Variants in ARHGEF9 observed in about 807,000 individuals in gnomAD.
ARHGEF9 encodes the protein Cdc42 guanine nucleotide exchange factor 9, also known as rho guanine nucleotide exchange factor 9.
In ARHGEF9, 2 loss-of-function variants were observed where a neutral mutation model predicts 41.3. That is an observed-to-expected ratio of 0.05 (90% confidence interval 0.02 to 0.15). The LOEUF is 0.15. ARHGEF9 is among the 10% of genes least tolerant of loss of function. ARHGEF9 has a pLI of 1.00. For missense variants in ARHGEF9, 225 were observed against 424.7 expected (o/e 0.53, Z 4.13); for synonymous variants, 160 against 154.4 (o/e 1.04, Z -0.27).
At chrX:63,742,653 G>A (rs2055031185) in intron 1 of ARHGEF9, among the ~76,000 whole-genome samples, 1 of 111,709 alleles carries the variant, frequency 9.0e-6, no homozygotes, top group Non-Finnish European at 1.9e-5. Context: ...ACTGGTAATG[G>A]TAAAGAGCCT....
chrX:63,694,914 T>C (rs1488476516), intron 4 of ARHGEF9, among the ~76,000 whole-genome samples: 1 of 112,180 alleles, frequency 8.9e-6, no homozygotes, highest in African/African-American at 3.2e-5. Flanking sequence ...AATAAAAGGG[T>C]AAACAATTAA....
chrX:63,695,039 G>T lies in ARHGEF9; in HGVS notation c.582+2086C>A, dbSNP rs782232530. Reference sequence around the variant, plus strand: ...GAAAATCATTCAATCCAAATTCACTGCATTAACAGATTAAAGGTAAAAGTA... The same window carrying T: ...GAAAATCATTCAATCCAAATTCACTTCATTAACAGATTAAAGGTAAAAGTA... On this transcript the variant is annotated intron_variant, in intron 4 of 9. Coordinates refer to ENST00000671741, the MANE Select transcript of ARHGEF9 (RefSeq NM_001353921.2). 2.7e-5 allele frequency among the ~76,000 whole-genome samples: 3 copies of T among 112,316 alleles called. No homozygotes were observed. In the South Asian group the frequency reaches 1.1e-3, roughly 41 times the overall value.
chrX:63,757,001 A>G (rs782139924), intron 1 of ARHGEF9, among the ~76,000 whole-genome samples: 1 of 111,896 alleles, frequency 8.9e-6, no homozygotes, highest in South Asian at 3.8e-4. Flanking sequence ...CTTTTCTCCC[A>G]TTTGACTCCA....
intron 2 of ARHGEF9, chrX:63,709,033 C>A (rs1354221816): frequency 8.9e-6 from 1 of 112,234 alleles, no homozygotes; most frequent in African/African-American, 3.2e-5. Flanking sequence ...TGTCAGAGTG[C>A]ACTGACACAG....
chrX:63,733,827 C>T (rs1168738107), intron 1 of ARHGEF9, among the ~76,000 whole-genome samples: 1 of 111,962 alleles, frequency 8.9e-6, no homozygotes, highest in Non-Finnish European at 1.9e-5. Flanking sequence ...TGATCTAGAG[C>T]CCAATATGAA....
chrX:63,697,890 T>C (rs2051869734), intron 3 of ARHGEF9, among the ~76,000 whole-genome samples: 1 of 111,472 alleles, frequency 9.0e-6, no homozygotes, highest in South Asian at 3.7e-4. Flanking sequence ...ACACATACAA[T>C]ATTTTCTTAG....
intron 1 of ARHGEF9, among the ~76,000 whole-genome samples, chrX:63,775,102 A>C (rs113178270): frequency 0.015 from 1,637 of 112,668 alleles, 33 homozygotes; most frequent in African/African-American, 0.051. Flanking sequence ...CACTAGAGAA[A>C]TGCAAATCAA....
intron 5 of ARHGEF9, among the ~76,000 whole-genome samples, chrX:63,675,923 G>T (rs782378858): frequency 2.7e-5 from 3 of 112,092 alleles, no homozygotes; most frequent in African/African-American, 9.7e-5. Flanking sequence ...TTTCTTTAGA[G>T]AAACTGAAAA....
At position 63,665,946 on chromosome X, in the gene ARHGEF9, G is replaced by A. The variant is rs782314375; in HGVS notation, c.1017C>T (p.Tyr339=). Residue 339 remains tyrosine (Y), a synonymous_variant, in exon 7 of 10, where the codon TAC becomes TAT. Transcript: ENST00000671741. ...AGAAGACCCGCTGCTGGTTGCGGCC[G>A]TAGGGCTGGTAGATCCAGGCCATCT... ...TGEMAWIYQP[Y]GRNQQRVFFL... 1.4e-5 allele frequency: 17 copies of A among 1,208,400 alleles called. No individual in the cohort carries two copies. The highest frequency in any genetic ancestry group is 1.8e-5 in the African/African-American group (1 of 56,911).
intron 1 of ARHGEF9, among the ~76,000 whole-genome samples, chrX:63,782,764 G>T (rs1556463038): frequency 8.9e-6 from 1 of 112,224 alleles, no homozygotes; most frequent in Non-Finnish European, 1.9e-5. Context: ...TTCGTAATGA[G>T]CCACTAGTTA....
chrX:63,765,854 AG>A (rs1190531455), intron 1 of ARHGEF9, among the ~76,000 whole-genome samples: 1 of 112,023 alleles, frequency 8.9e-6, no homozygotes, highest in Non-Finnish European at 1.9e-5. Flanking sequence ...AGAGCAAATA[AG>A]GAACTAGAAA....
At chrX:63,759,473 C>T (rs1471660325) in intron 1 of ARHGEF9, among the ~76,000 whole-genome samples, 1 of 111,448 alleles carries the variant, frequency 9.0e-6, no homozygotes, top group Non-Finnish European at 1.9e-5. Flanking sequence ...GTTCCTCCCT[C>T]CCAAGACAGC....
chrX:63,641,405 T>G (rs1556305977), intron 9 of ARHGEF9: 1 of 110,132 alleles, frequency 9.1e-6, no homozygotes, highest in East Asian at 2.8e-4. Context: ...TGAATTTCTT[T>G]GAAGACTTTA....
intron 1 of ARHGEF9, chrX:63,737,086 C>A (rs1439715214): frequency 9.0e-6 from 1 of 111,600 alleles, no homozygotes; most frequent in Non-Finnish European, 1.9e-5. Flanking sequence ...CCTGACTTTC[C>A]CTCCCTGCTC....
rs138764014 is a variant in ARHGEF9 at position 63,668,262 on chromosome X, T to C, written c.946-2245A>G. 9.7e-3 allele frequency among the ~76,000 whole-genome samples: 1,074 copies of C among 110,667 alleles called. 9 individuals carry two copies. The highest frequency in any genetic ancestry group is 0.033 in the African/African-American group (1,007 of 30,349). ...GATACTTGTGTCTCAGCCTCCCAAG[T>C]AGCTGGCATTACAGGCATGTGTGTG... On this transcript the variant is annotated intron_variant, in intron 6 of 9. Coordinates refer to ENST00000671741, the MANE Select transcript of ARHGEF9 (RefSeq NM_001353921.2).
intron 1 of ARHGEF9, among the ~76,000 whole-genome samples, chrX:63,773,015 C>T (rs1203422513): frequency 1.8e-5 from 2 of 111,502 alleles, no homozygotes; most frequent in East Asian, 2.8e-4. Context: ...CTCTGGTGTG[C>T]TAGGATGACC....
intron 1 of ARHGEF9, among the ~76,000 whole-genome samples, chrX:63,774,821 T>C (rs1378372645): frequency 8.9e-6 from 1 of 111,860 alleles, no homozygotes; most frequent in Non-Finnish European, 1.9e-5. Context: ...AAAGTTAACA[T>C]ATGCAACTAA....
chrX:63,667,052 T>C lies in ARHGEF9; in HGVS notation c.946-1035A>G, dbSNP rs782397134. ...AACACAAGGCAAACCAACACCGAAG[T>C]TGTGGGCACAGGGGTGAGTATTCCA... On this transcript the variant is annotated intron_variant, in intron 6 of 9. Coordinates refer to ENST00000671741, the MANE Select transcript of ARHGEF9 (RefSeq NM_001353921.2). 1.4e-4 allele frequency among the ~76,000 whole-genome samples: 16 copies of C among 111,772 alleles called. No individual in the cohort carries two copies. In the East Asian group the frequency reaches 3.7e-3, roughly 26 times the overall value.
chrX:63,645,233 CT>C (rs1363172298), intron 8 of ARHGEF9, among the ~76,000 whole-genome samples: 2 of 109,893 alleles, frequency 1.8e-5, no homozygotes, highest in Non-Finnish European at 3.8e-5. Flanking sequence ...TTTTTTTTCA[CT>C]TTTTTTAATA....
Sources: allele counts gnomAD v4.1 joint callset (sites outside exome capture counted in the v4.1 genomes callset), GRCh38; gene constraint gnomAD v4.1.1; transcripts MANE v1.5; gene names NCBI Gene and HGNC (gene_info 2026-07-23, HGNC 2026-07-21).